Variants in ENTREP2 observed in about 807,000 individuals in gnomAD.
The protein encoded by ENTREP2 is endosomal transmembrane epsin interactor 2, also known as protein ENTREP2.
the ENTREP2 span, among the ~76,000 whole-genome samples, chr15:29,303,862 A>G: frequency 6.6e-6 from 1 of 151,976 alleles, no homozygotes; most frequent in South Asian, 2.1e-4. Context: ...TCCATGGTTT[A>G]TATGTACCAC....
chr15:29,537,458 T>C, the ENTREP2 span, among the ~76,000 whole-genome samples: 1 of 152,338 alleles, frequency 6.6e-6, no homozygotes, highest in Non-Finnish European at 1.5e-5. Context: ...CTCCTGATTC[T>C]TCTTTTAGTC....
the ENTREP2 span, among the ~76,000 whole-genome samples, chr15:29,327,390 T>C: frequency 0.71 from 107,781 of 151,922 alleles, 38,869 homozygotes; most frequent in African/African-American, 0.85. Context: ...ATTAGGAGGT[T>C]GAGACTATCC....
At chr15:29,323,507 C>T in the ENTREP2 span, among the ~76,000 whole-genome samples, 1 of 152,082 alleles carries the variant, frequency 6.6e-6, no homozygotes, top group African/African-American at 2.4e-5. Flanking sequence ...TTATAACAAA[C>T]CAGTAAATGT....
chr15:29,252,395 T>C, the ENTREP2 span: 3 of 1,551,018 alleles, frequency 1.9e-6, no homozygotes, highest in East Asian at 2.4e-5. Flanking sequence ...GGGAGTTGAC[T>C]AGCTGAGCAT....
chr15:29,256,517 C>A, the ENTREP2 span, among the ~76,000 whole-genome samples: 1 of 152,130 alleles, frequency 6.6e-6, no homozygotes, highest in Non-Finnish European at 1.5e-5. Flanking sequence ...AACACCAATA[C>A]AACTGCCGAA....
chr15:29,119,363 A>G, the ENTREP2 span, among the ~76,000 whole-genome samples: 3 of 10,162 alleles, frequency 3.0e-4, 1 homozygote, highest in African/African-American at 3.9e-4. Context: ...AAAACCAAAC[A>G]CCGCATATTC....
the ENTREP2 span, among the ~76,000 whole-genome samples, chr15:29,427,882 G>A: frequency 3.3e-5 from 5 of 152,168 alleles, no homozygotes; most frequent in Non-Finnish European, 1.5e-5. Context: ...TGCCTGGTGA[G>A]AAACACCAAA....
chr15:29,393,411 G>A, the ENTREP2 span, among the ~76,000 whole-genome samples: 38,511 of 152,150 alleles, frequency 0.25, 6,321 homozygotes, highest in Middle Eastern at 0.36. Flanking sequence ...AGGCTCAGCC[G>A]CAGTGCTATG....
chr15:29,351,185 G>C, the ENTREP2 span, among the ~76,000 whole-genome samples: 1 of 152,136 alleles, frequency 6.6e-6, no homozygotes, highest in Non-Finnish European at 1.5e-5. Flanking sequence ...TTGCTCCTGG[G>C]CTACAAACCT....
chr15:29,319,083 G>A, the ENTREP2 span, among the ~76,000 whole-genome samples: 1 of 152,176 alleles, frequency 6.6e-6, no homozygotes, highest in African/African-American at 2.4e-5. Context: ...CATCTGCACT[G>A]CATACTCAAA....
chr15:29,457,277 C>A, the ENTREP2 span, among the ~76,000 whole-genome samples: 1 of 152,218 alleles, frequency 6.6e-6, no homozygotes, highest in Non-Finnish European at 1.5e-5. Context: ...GCAGAGCAGG[C>A]ATGGGCCAGC....
chr15:29,520,287 A>G, the ENTREP2 span, among the ~76,000 whole-genome samples: 1 of 152,228 alleles, frequency 6.6e-6, no homozygotes, highest in African/African-American at 2.4e-5. Flanking sequence ...GAACAAAAAT[A>G]ATATTCTCCA....
At chr15:29,533,397 G>A in the ENTREP2 span, among the ~76,000 whole-genome samples, 1 of 152,216 alleles carries the variant, frequency 6.6e-6, no homozygotes, top group Admixed American at 6.5e-5. Context: ...GCAATGGTGG[G>A]ATGAAGGGGG....
At chr15:29,497,473 T>C in the ENTREP2 span, among the ~76,000 whole-genome samples, 1 of 152,186 alleles carries the variant, frequency 6.6e-6, no homozygotes, top group South Asian at 2.1e-4. Flanking sequence ...GACTTCTTTT[T>C]CTTCACGATT....
chr15:29,420,542 C>T, the ENTREP2 span, among the ~76,000 whole-genome samples: 1 of 152,062 alleles, frequency 6.6e-6, no homozygotes, highest in Non-Finnish European at 1.5e-5. Context: ...CTCTTAATGG[C>T]TAAAAATCTG....
the ENTREP2 span, among the ~76,000 whole-genome samples, chr15:29,406,608 AT>A: frequency 6.6e-6 from 1 of 152,146 alleles, no homozygotes; most frequent in Non-Finnish European, 1.5e-5. Context: ...TTTTAAAAGT[AT>A]TTCATTTTTT....
the ENTREP2 span, among the ~76,000 whole-genome samples, chr15:29,467,490 A>G: frequency 6.6e-6 from 1 of 152,142 alleles, no homozygotes; most frequent in Non-Finnish European, 1.5e-5. Context: ...AACGCCAAGG[A>G]AACGGCCACC....
chr15:29,569,577 AC>A, the ENTREP2 span: 1 of 151,852 alleles, frequency 6.6e-6, no homozygotes, highest in Admixed American at 6.6e-5. Context: ...AGTTCTCAGA[AC>A]AAGTGCCTCT....
At chr15:29,415,332 C>T in the ENTREP2 span, among the ~76,000 whole-genome samples, 3 of 152,168 alleles carry the variant, frequency 2.0e-5, no homozygotes, top group African/African-American at 4.8e-5. Context: ...CCCTGGGATG[C>T]AAGGCTGGTT....
Sources: gnomAD v4.1 joint callset for allele counts (sites outside exome capture counted in the v4.1 genomes callset) on GRCh38, gnomAD v4.1.1 for gene constraint, MANE v1.5 for transcripts, NCBI Gene and HGNC (gene_info 2026-07-23, HGNC 2026-07-21) for gene names.